Variants in SLC10A6 observed in about 807,000 individuals in gnomAD.
The protein encoded by SLC10A6 is sodium-dependent organic anion transporter.
A neutral mutation model predicts 30.0 loss-of-function variants in SLC10A6; 27 were observed. That is an observed-to-expected ratio of 0.90 (90% CI 0.66 to 1.24). The LOEUF (loss-of-function observed/expected upper bound fraction) is 1.24, where lower values mean the gene tolerates loss of function less well. SLC10A6 is among the 50% of genes most tolerant of loss of function. The pLI is 0.00. For missense variants in SLC10A6, 439 were observed against 457.0 expected, an observed-to-expected ratio of 0.96 and a Z score of 0.36; for synonymous variants, 166 against 173.8, an observed-to-expected ratio of 0.95 and a Z score of 0.36.
At chr4:86,826,489 G>A (rs1002218979) in intron 4 of SLC10A6, among the ~76,000 whole-genome samples, 29 of 152,016 alleles carry the variant, frequency 1.9e-4, no homozygotes, top group African/African-American at 6.0e-4. Context: ...GCTGAGGCAC[G>A]AGAATCACTT....
intron 1 of SLC10A6, among the ~76,000 whole-genome samples, chr4:86,841,400 A>G (rs1746285931): frequency 6.6e-6 from 1 of 152,238 alleles, no homozygotes; most frequent in South Asian, 2.1e-4. Flanking sequence ...CTGTGAGTAC[A>G]GTGGAAAGTC....
intron 1 of SLC10A6, among the ~76,000 whole-genome samples, chr4:86,839,165 G>T (rs1415367509): frequency 6.6e-6 from 1 of 151,148 alleles, no homozygotes; most frequent in Admixed American, 6.6e-5. Flanking sequence ...ACCAGGTGCA[G>T]TGCCTCATGC....
intron 1 of SLC10A6, among the ~76,000 whole-genome samples, chr4:86,839,958 G>A (rs1008572859): frequency 6.6e-6 from 1 of 150,502 alleles, no homozygotes; most frequent in East Asian, 1.9e-4. Context: ...ACCCAGTCTG[G>A]AGTGCAGTGG....
In SLC10A6 at chr4:86,849,356, T is replaced by C; in HGVS notation, c.-241A>G. 1 of 519,696 alleles carries C rather than the reference T, an allele frequency of 1.9e-6. No individual in the cohort carries two copies. Among genetic ancestry groups the C allele is most frequent in the Non-Finnish European group, 3.4e-6 (1 of 294,330 alleles). 32.2% of individuals were successfully genotyped at this position (519,696 alleles called of 1,614,324 possible). A position where few individuals can be genotyped will look rare whatever the true frequency, so the allele number is the denominator to read the frequency against. Reference sequence around the variant, plus strand: ...TGTGGTAAGTAAGGCTTTCCACTTCTGTTCTTACTCACCACTGAATATGTA... The same window carrying C: ...TGTGGTAAGTAAGGCTTTCCACTTCCGTTCTTACTCACCACTGAATATGTA... On this transcript the variant is annotated 5_prime_UTR_variant, in exon 1 of 6. Coordinates refer to ENST00000273905, the MANE Select transcript of SLC10A6 (RefSeq NM_197965.3).
intron 4 of SLC10A6, among the ~76,000 whole-genome samples, chr4:86,826,072 C>T (rs532445952): frequency 6.6e-6 from 1 of 151,968 alleles, no homozygotes; most frequent in African/African-American, 2.4e-5. Flanking sequence ...CTGGAGGAGA[C>T]AAGAATGGAA....
chr4:86,837,343 A>AAGGAAGGAAGGAAGGAAGGC lies in SLC10A6; in HGVS notation c.378-3920_378-3919insGCCTTCCTTCCTTCCTTCCT, dbSNP rs58692864. ...GAAGGAAGGAAGGAAGGAAGGAAGG[A>AAGGAAGGAAGGAAGGAAGGC]AGGCAGGCAGGCAGGCTGGGATTTG... On this transcript the variant is annotated intron_variant, in intron 1 of 5. Coordinates refer to ENST00000273905, the MANE Select transcript of SLC10A6 (RefSeq NM_197965.3). 4.8e-4 allele frequency among the ~76,000 whole-genome samples: 49 copies of AAGGAAGGAAGGAAGGAAGGC among 102,988 alleles called. 4 individuals carry two copies. Among genetic ancestry groups the AAGGAAGGAAGGAAGGAAGGC allele is most frequent in the Admixed American group, 1.3e-3 (14 of 10,522 alleles). The allele number at this position is 102,988 out of a possible 152,430, so 67.6% of individuals were successfully genotyped here. A position where few individuals can be genotyped will look rare whatever the true frequency, so the allele number is the denominator to read the frequency against.
At chr4:86,833,514 C>T in intron 1 of SLC10A6, 90 bp from the exon 2 acceptor site, 1 of 912,058 alleles carries the variant, frequency 1.1e-6, no homozygotes, top group Non-Finnish European at 1.8e-6. Context: ...GACACAATTT[C>T]CTAGAGATTA....
intron 5 of SLC10A6, 61 bp from the exon 6 acceptor site, chr4:86,823,963 A>T: frequency 6.9e-7 from 1 of 1,451,776 alleles, no homozygotes; most frequent in South Asian, 1.3e-5. Context: ...ATTTGGTGAC[A>T]CTGTACACTT....
In SLC10A6 at chr4:86,825,476, C is replaced by A; in HGVS notation, c.863G>T (p.Ser288Ile). The change falls in exon 5 of 6, where the codon AGT (serine) becomes ATT (isoleucine). Residue 288 changes from serine to isoleucine, a missense_variant. Coordinates refer to ENST00000273905, the MANE Select transcript of SLC10A6 (RefSeq NM_197965.3). ...FTAEHLVQML[S>I]FPLAYGLFQL... Reference sequence around the variant, plus strand: ...GAAGAGTCCATAGGCCAGTGGGAAACTCAACATCTGGACCAAGTGCTCAGC... The same window carrying A: ...GAAGAGTCCATAGGCCAGTGGGAAAATCAACATCTGGACCAAGTGCTCAGC... 1 of 1,612,562 alleles carries A rather than the reference C, an allele frequency of 6.2e-7. No individual in the cohort carries two copies. The highest frequency in any genetic ancestry group is 8.5e-7 in the Non-Finnish European group (1 of 1,178,746).
chr4:86,831,221 G>A lies in SLC10A6; in HGVS notation c.585+571C>T, dbSNP rs947872346. Among the ~76,000 whole-genome samples the A allele has an allele frequency of 3.9e-5, 6 of 152,324 alleles. 1 individual carries two copies. Among genetic ancestry groups the A allele is most frequent in the Admixed American group, 3.9e-4 (6 of 15,300 alleles). On this transcript the variant is annotated intron_variant, in intron 3 of 5. Transcript: ENST00000273905. ...AAAGGGCAGGACTGCAAAGACAAGA[G>A]GAGGTAGAAAGTTCTAGTCACCATC...
At chr4:86,838,099 C>A (rs1282816660) in intron 1 of SLC10A6, among the ~76,000 whole-genome samples, 1 of 152,236 alleles carries the variant, frequency 6.6e-6, no homozygotes, top group Non-Finnish European at 1.5e-5. Context: ...CTTGACAAAG[C>A]AGCATCTGTT....
At chr4:86,837,707 G>A (rs1746225117) in intron 1 of SLC10A6, 1 of 797,824 alleles carries the variant, frequency 1.3e-6, no homozygotes, top group Non-Finnish European at 1.5e-6. Context: ...AAAATTAGGG[G>A]AAAGAAAATA....
At chr4:86,843,620 T>C (rs377279520) in intron 1 of SLC10A6, among the ~76,000 whole-genome samples, 1 of 152,186 alleles carries the variant, frequency 6.6e-6, no homozygotes, top group Admixed American at 6.5e-5. Context: ...AATAATTCAA[T>C]TGTCCGTTGA....
chr4:86,837,320 A>AG (rs1560460460), intron 1 of SLC10A6, among the ~76,000 whole-genome samples: 4 of 148,702 alleles, frequency 2.7e-5, no homozygotes, highest in Admixed American at 6.7e-5. Context: ...GAAGGAAGGA[A>AG]GGAAGGAAGG....
At chr4:86,843,359 C>T (rs749402816) in intron 1 of SLC10A6, among the ~76,000 whole-genome samples, 9 of 152,132 alleles carry the variant, frequency 5.9e-5, no homozygotes, top group African/African-American at 9.7e-5. Flanking sequence ...TATTGCAATG[C>T]TTTCCAACAG....
intron 1 of SLC10A6, among the ~76,000 whole-genome samples, chr4:86,842,847 T>TTTCG (rs1746322740): frequency 1.9e-5 from 1 of 53,816 alleles, no homozygotes; most frequent in Non-Finnish European, 3.4e-5. Context: ...TCTTTCTTTC[T>TTTCG]TTCTTTCTTT....
chr4:86,824,184 T>C (rs1211362478), intron 5 of SLC10A6, among the ~76,000 whole-genome samples: 9 of 152,146 alleles, frequency 5.9e-5, no homozygotes, highest in Admixed American at 2.0e-4. Context: ...CATTCATTCA[T>C]TCACTCATTC....
chr4:86,837,343 A>AAGGAAGGCAGGCAGGCAGGCAGGC (rs58692864), intron 1 of SLC10A6, among the ~76,000 whole-genome samples: 2 of 102,980 alleles, frequency 1.9e-5, no homozygotes, highest in African/African-American at 7.9e-5. Flanking sequence ...GGAAGGAAGG[A>AAGGAAGGCAGGCAGGCAGGCAGGC]AGGCAGGCAG....
At chr4:86,829,394 G>A (rs1177076479) in intron 3 of SLC10A6, among the ~76,000 whole-genome samples, 2 of 152,064 alleles carry the variant, frequency 1.3e-5, no homozygotes, top group Admixed American at 6.6e-5. Flanking sequence ...CTGGGTGACA[G>A]AGCAAGACTC....
Sources: gnomAD v4.1 joint callset for allele counts (sites outside exome capture counted in the v4.1 genomes callset) on GRCh38, gnomAD v4.1.1 for gene constraint, MANE v1.5 for transcripts, NCBI Gene and HGNC (gene_info 2026-07-23, HGNC 2026-07-21) for gene names.